The following LIPI variants were observed in gnomAD, a reference collection of about 807,000 sequenced individuals.
LIPI encodes the protein lipase I, also known as lipase member I.
In LIPI, 59 loss-of-function variants were observed where a neutral mutation model predicts 50.6. The observed-to-expected ratio is 1.16, with a 90% CI of 0.94 to 1.45. The LOEUF (loss-of-function observed/expected upper bound fraction) is 1.45. Ranked by LOEUF, LIPI falls within the 40% of genes most tolerant of loss-of-function variation. The pLI is 0.00. For synonymous variants in LIPI, 203 were observed against 178.2 expected (o/e 1.14, Z -1.11); for missense variants, 586 against 536.3 (o/e 1.09, Z -0.92).
chr21:14,208,858 C>A (rs1378397582), intron 1 of LIPI, among the ~76,000 whole-genome samples: 1 of 152,152 alleles, frequency 6.6e-6, no homozygotes, highest in Non-Finnish European at 1.5e-5. Flanking sequence ...TGGAGACCAG[C>A]CTGGGTAACA....
intron 9 of LIPI, among the ~76,000 whole-genome samples, chr21:14,112,612 G>A (rs2031230936): frequency 9.3e-6 from 1 of 107,540 alleles, no homozygotes; most frequent in South Asian, 3.1e-4. Flanking sequence ...AAATACAATT[G>A]TGTTCTTATT....
intron 4 of LIPI, among the ~76,000 whole-genome samples, chr21:14,168,479 C>A (rs1242904274): frequency 2.0e-5 from 3 of 152,118 alleles, no homozygotes; most frequent in Non-Finnish European, 2.9e-5. Flanking sequence ...GTCGGGTTAC[C>A]CACAAAGGGA....
At chr21:14,128,231 T>C (rs974441523) in intron 9 of LIPI, among the ~76,000 whole-genome samples, 6 of 152,116 alleles carry the variant, frequency 3.9e-5, no homozygotes, top group African/African-American at 1.4e-4. Flanking sequence ...AATTACTATC[T>C]CATAGTTGCA....
intron 4 of LIPI, among the ~76,000 whole-genome samples, chr21:14,171,137 A>G (rs1349574794): frequency 3.3e-5 from 5 of 150,444 alleles, no homozygotes; most frequent in Admixed American, 1.3e-4. Context: ...AGAATAAAAT[A>G]CCTAGGAATC....
intron 1 of LIPI, among the ~76,000 whole-genome samples, chr21:14,192,230 C>T (rs567558888): frequency 3.3e-4 from 51 of 152,262 alleles, no homozygotes; most frequent in African/African-American, 1.2e-3. Flanking sequence ...TTTGGGAGGC[C>T]GAGCTGGGTG....
intron 9 of LIPI, chr21:14,143,483 A>T (rs2017788514): frequency 6.6e-6 from 1 of 152,132 alleles, no homozygotes; most frequent in South Asian, 2.1e-4. Context: ...ATTATCATTT[A>T]TTATTTTTAT....
Position 14,191,154 on chromosome 21 carries a change from G to A in LIPI, c.47-1735C>T, listed in dbSNP as rs545034863. Among the ~76,000 whole-genome samples the A allele has an allele frequency of 1.1e-4, 16 of 152,008 alleles. No homozygotes were observed. In the South Asian group the frequency reaches 1.5e-3, roughly 14 times the overall value. ...AGCTACTCAGGAGGCCGAGGCGGGC[G>A]GATCACGAGGTCAGGAGATCGAGAC... On this transcript the variant is annotated intron_variant, in intron 1 of 9. Coordinates refer to ENST00000681601, the MANE Select transcript of LIPI (RefSeq NM_001302998.2).
intron 4 of LIPI, among the ~76,000 whole-genome samples, chr21:14,166,828 G>C (rs549464461): frequency 1.3e-5 from 2 of 152,328 alleles, no homozygotes; most frequent in Admixed American, 1.3e-4. Context: ...GAGGTACCGG[G>C]TTCATCTCAC....
chr21:14,156,042 T>G (rs2018258981), intron 7 of LIPI, among the ~76,000 whole-genome samples: 1 of 151,998 alleles, frequency 6.6e-6, no homozygotes, highest in South Asian at 2.1e-4. Context: ...TACATGGAAG[T>G]GAGGTTTCCA....
intron 4 of LIPI, among the ~76,000 whole-genome samples, chr21:14,180,987 A>G (rs2019250929): frequency 6.6e-6 from 1 of 152,186 alleles, no homozygotes; most frequent in Non-Finnish European, 1.5e-5. Context: ...GAATCAAAAC[A>G]TATGATTTCA....
At chr21:14,189,008 A>G (rs1432841861) in intron 2 of LIPI, 26 bp downstream of exon 2, 2 of 1,567,940 alleles carry the variant, frequency 1.3e-6, no homozygotes, top group South Asian at 1.1e-5. Context: ...TATAGCATGT[A>G]TAATACATAA....
At chr21:14,155,468 G>T (rs930233112) in intron 7 of LIPI, among the ~76,000 whole-genome samples, 4 of 151,880 alleles carry the variant, frequency 2.6e-5, no homozygotes, top group African/African-American at 9.7e-5. Context: ...GATTGAAAAA[G>T]CTAAGTGAAC....
intron 4 of LIPI, among the ~76,000 whole-genome samples, chr21:14,170,351 C>A (rs559456500): frequency 6.6e-6 from 1 of 152,164 alleles, no homozygotes; most frequent in African/African-American, 2.4e-5. Flanking sequence ...GGAATCCTCC[C>A]TAACTCATTT....
intron 9 of LIPI, among the ~76,000 whole-genome samples, chr21:14,123,402 G>A (rs1442930512): frequency 6.6e-6 from 1 of 152,078 alleles, no homozygotes; most frequent in East Asian, 1.9e-4. Context: ...GGACTATATT[G>A]GATCTGTAAG....
chr21:14,111,016 C>G (rs1267814495), intron 9 of LIPI, among the ~76,000 whole-genome samples: 2 of 150,344 alleles, frequency 1.3e-5, no homozygotes. Context: ...TATTTTTTAT[C>G]TTGGTTATAG....
At chr21:14,114,474 C>A (rs536521454) in intron 9 of LIPI, among the ~76,000 whole-genome samples, 9 of 152,278 alleles carry the variant, frequency 5.9e-5, no homozygotes, top group African/African-American at 1.7e-4. Flanking sequence ...ACAGGCCCTG[C>A]CAGAGGAGCT....
intron 9 of LIPI, among the ~76,000 whole-genome samples, chr21:14,125,724 AT>A (rs78197103): frequency 0.49 from 74,821 of 151,632 alleles, 18,579 homozygotes; most frequent in South Asian, 0.55. Context: ...TGCCTACGTA[AT>A]TTTTTTGTGT....
chr21:14,151,127 C>T (rs533521701), intron 8 of LIPI, among the ~76,000 whole-genome samples: 89 of 152,072 alleles, frequency 5.9e-4, no homozygotes, highest in Non-Finnish European at 9.6e-4. Flanking sequence ...TTTATATTTT[C>T]GTTATGGTGA....
At chr21:14,131,006 A>C (rs1475633185) in intron 9 of LIPI, among the ~76,000 whole-genome samples, 1 of 152,172 alleles carries the variant, frequency 6.6e-6, no homozygotes, top group East Asian at 1.9e-4. Flanking sequence ...GCTGGAGTGC[A>C]GTGGCACGAT....
Sources: gnomAD v4.1 joint callset for allele counts (sites outside exome capture counted in the v4.1 genomes callset) on GRCh38, gnomAD v4.1.1 for gene constraint, MANE v1.5 for transcripts, NCBI Gene and HGNC (gene_info 2026-07-23, HGNC 2026-07-21) for gene names.